WDR62: variants seen among roughly 807,000 people sequenced by gnomAD.
WDR62 encodes the protein WD repeat-containing protein 62.
In WDR62, 112 loss-of-function variants were observed where a neutral mutation model predicts 160.6. The observed-to-expected ratio is 0.70, with a 90% CI of 0.60 to 0.82. The LOEUF (loss-of-function observed/expected upper bound fraction) is 0.82. Among genes scored for constraint, WDR62 ranks in the 40% least tolerant of loss-of-function variants. The probability of loss-of-function intolerance (pLI) is 0.00; values close to 1 mark genes in which losing one functional copy is unlikely to be tolerated. For synonymous variants in WDR62, 792 were observed against 815.1 expected (o/e 0.97, Z 0.48); for missense variants, 1,819 against 1,983.8 (o/e 0.92, Z 1.58).
intron 3 of WDR62, among the ~76,000 whole-genome samples, chr19:36,065,025 C>T (rs1010304955): frequency 6.6e-6 from 1 of 152,062 alleles, no homozygotes; most frequent in African/African-American, 2.4e-5. Context: ...TTCCCTTTGA[C>T]GAGTATTTCA....
chr19:36,059,916 C>G, intron 2 of WDR62, 52 bp from the exon 3 acceptor site: 2 of 1,595,524 alleles, frequency 1.3e-6, no homozygotes, highest in Non-Finnish European at 1.7e-6. Flanking sequence ...AGAATCATCC[C>G]AGGACCCCAA....
In WDR62 at chr19:36,092,769, A is replaced by G. The variant is rs1319252577; in HGVS notation, c.2291A>G (p.Gln764Arg). Residue 764 changes from glutamine to arginine, a missense_variant, in exon 19 of 32, where the codon CAG becomes CGG. This residue lies in a region of WDR62 where 934 missense variants were observed against 1,157.2 expected (regional missense o/e 0.81). Coordinates refer to ENST00000401500, the MANE Select transcript of WDR62 (RefSeq NM_001083961.2). ...QHLLEIDHRQ[Q>R]QQHTNDKKRS... ...TTGCTGGAGATTGACCACCGGCAGC[A>G]GCAGCAGCACACAAATGACAAGAAG... 3 of 1,614,050 alleles carry G rather than the reference A, an allele frequency of 1.9e-6. No individual in the cohort carries two copies. In the Admixed American group the frequency reaches 5.0e-5, roughly 27 times the overall value.
At chr19:36,095,627 C>A (rs1972911524) in intron 20 of WDR62, among the ~76,000 whole-genome samples, 1 of 152,224 alleles carries the variant, frequency 6.6e-6, no homozygotes, top group Non-Finnish European at 1.5e-5. Flanking sequence ...AACCCCATGT[C>A]TGCTAAAAAT....
At position 36,076,567 on chromosome 19, in the gene WDR62, A is replaced by G. The variant is rs564560557; in HGVS notation, c.1233+3036A>G. ...AGGGAGATCCTATCTCAAAAAAAAA[A>G]AAAAGAAAAAAGAGAAAGAGAAGGC... On this transcript the variant is annotated intron_variant, in intron 9 of 31. Transcript: ENST00000401500. 4.6e-5 allele frequency among the ~76,000 whole-genome samples: 7 copies of G among 152,032 alleles called. No homozygotes were observed. In the South Asian group the frequency reaches 1.0e-3, roughly 23 times the overall value.
At chr19:36,087,664 A>G (rs1223613798) in intron 13 of WDR62, among the ~76,000 whole-genome samples, 1 of 151,756 alleles carries the variant, frequency 6.6e-6, no homozygotes, top group Admixed American at 6.6e-5. Context: ...TAAAAATTCA[A>G]AAAAAGTAAC....
intron 8 of WDR62, among the ~76,000 whole-genome samples, chr19:36,072,352 A>G (rs1369669881): frequency 6.6e-6 from 1 of 152,194 alleles, no homozygotes; most frequent in African/African-American, 2.4e-5. Flanking sequence ...CTGTGTGGCC[A>G]GAGCCCAGTG....
At position 36,103,978 on chromosome 19, in the gene WDR62, T is replaced by A; in HGVS notation, c.4150T>A (p.Ser1384Thr). 3.8e-6 allele frequency: 6 copies of A among 1,597,648 alleles called. No homozygotes were observed. The highest frequency in any genetic ancestry group is 5.1e-6 in the Non-Finnish European group (6 of 1,179,806). ...GGTASLLEPT[S>T]GALGLLQGSP... ...CACTGCCTCCCTCCTGGAGCCCACC[T>A]CCGGTGAGTACAGCCCTGGAGCAAG... is the stretch of plus-strand genomic sequence containing the variant. Residue 1384 changes from serine (S) to threonine (T), a missense_variant, in exon 30 of 32, where the codon TCC (serine) becomes ACC (threonine). Ser to Thr is a moderately conservative substitution (Grantham distance 58). Transcript: ENST00000401500.
intron 9 of WDR62, among the ~76,000 whole-genome samples, chr19:36,075,749 T>C (rs1971540915): frequency 6.6e-6 from 1 of 152,226 alleles, no homozygotes. Flanking sequence ...CCTGGCCTGT[T>C]AGCAGCTATT....
chr19:36,090,581 C>A, intron 16 of WDR62, 61 bp downstream of exon 16: 3 of 1,492,058 alleles, frequency 2.0e-6, no homozygotes, highest in South Asian at 1.1e-5. Context: ...TGTGACGGCC[C>A]ACACCTGAGA....
intron 15 of WDR62, among the ~76,000 whole-genome samples, chr19:36,090,072 G>GGAGACA (rs1972496941): frequency 6.6e-6 from 1 of 152,120 alleles, no homozygotes; most frequent in Non-Finnish European, 1.5e-5. Context: ...GACCCCACCT[G>GGAGACA]CGGATCAAGC....
chr19:36,067,798 A>C, intron 6 of WDR62, 30 bp from the exon 7 acceptor site: 3 of 1,612,302 alleles, frequency 1.9e-6, no homozygotes, highest in Non-Finnish European at 2.5e-6. Flanking sequence ...TGTGTGGACA[A>C]GTATCTCACT....
intron 21 of WDR62, 85 bp downstream of exon 21, chr19:36,097,164 C>A: frequency 1.5e-6 from 2 of 1,325,962 alleles, no homozygotes; most frequent in Non-Finnish European, 1.1e-6. Flanking sequence ...TTTTTCCTTT[C>A]CATGTCCCTC....
In WDR62 at chr19:36,097,038, C is replaced by T; in HGVS notation, c.2479C>T (p.Leu827=). The change falls in exon 21 of 32, where the codon CTG becomes TTG. Residue 827 remains leucine (L), a synonymous_variant. Coordinates refer to ENST00000401500, the MANE Select transcript of WDR62 (RefSeq NM_001083961.2). The part of the protein sequence containing the change: ...KDSLDPDPRC[L]LTNGKLPLWA... The stretch of plus-strand genomic sequence containing the variant: ...CTGTGTCTTTCCAGATCCTCGTTGC[C>T]TGCTAACCAACGGCAAGCTGCCACT... 1 of 1,613,200 alleles carries T rather than the reference C, an allele frequency of 6.2e-7. No individual in the cohort carries two copies. Among genetic ancestry groups the T allele is most frequent in the South Asian group, 1.1e-5 (1 of 90,788 alleles).
At chr19:36,058,294 A>G (rs1036727055) in intron 1 of WDR62, among the ~76,000 whole-genome samples, 5 of 152,166 alleles carry the variant, frequency 3.3e-5, no homozygotes, top group East Asian at 3.9e-4. Context: ...GGAGGTTGCA[A>G]TGAGCCAAGA....
At chr19:36,072,460 A>G (rs1316608784) in intron 8 of WDR62, among the ~76,000 whole-genome samples, 1 of 152,004 alleles carries the variant, frequency 6.6e-6, no homozygotes, top group African/African-American at 2.4e-5. Flanking sequence ...CGTTGGGGTA[A>G]ATGACCAGGC....
intron 22 of WDR62, 96 bp downstream of exon 22, chr19:36,099,713 G>A: frequency 8.0e-7 from 1 of 1,248,026 alleles, no homozygotes; most frequent in Non-Finnish European, 1.1e-6. Context: ...TGGGGGCAGG[G>A]AGGATTACAT....
At chr19:36,076,659 C>T (rs1336296251) in intron 9 of WDR62, among the ~76,000 whole-genome samples, 1 of 151,460 alleles carries the variant, frequency 6.6e-6, no homozygotes, top group Non-Finnish European at 1.5e-5. Context: ...ATGCTCATCG[C>T]TATTGGGTCG....
chr19:36,084,458 TGCTCCCTGGTTCAACACG>T (rs1415117055), intron 11 of WDR62, among the ~76,000 whole-genome samples, 177 bp from the exon 12 acceptor site: 2 of 152,128 alleles, frequency 1.3e-5, no homozygotes, highest in Non-Finnish European at 2.9e-5. Context: ...CCTGCTGAGG[TGCTCCCTGGTTCAACACG>T]GCTCCCTTTA....
At chr19:36,057,764 G>A (rs532752099) in intron 1 of WDR62, among the ~76,000 whole-genome samples, 1 of 152,266 alleles carries the variant, frequency 6.6e-6, no homozygotes, top group South Asian at 2.1e-4. Flanking sequence ...ACCACACCCA[G>A]CCTTGTTTAA....
Sources: allele counts gnomAD v4.1 joint callset (sites outside exome capture counted in the v4.1 genomes callset), GRCh38; gene constraint gnomAD v4.1.1; regional missense constraint gnomAD v4.1.1; transcripts MANE v1.5; gene names NCBI Gene and HGNC (gene_info 2026-07-23, HGNC 2026-07-21).